The following ZNF367 variants were observed in gnomAD, a reference collection of about 807,000 sequenced individuals.
ZNF367 encodes the protein zinc finger protein 367, also known as C2H2 zinc finger protein ZFF29.
A neutral mutation model predicts 31.8 loss-of-function variants in ZNF367; 11 were observed. The ratio of observed to expected loss-of-function variants is 0.35; its 90% CI spans 0.22 to 0.57. The LOEUF is 0.57. Ranked by LOEUF, ZNF367 falls within the 20% of genes least tolerant of loss-of-function variation. The pLI is 0.85. For missense variants in ZNF367, 353 were observed against 484.1 expected, an observed-to-expected ratio of 0.73 and a Z score of 2.54; for synonymous variants, 199 against 202.4, an observed-to-expected ratio of 0.98 and a Z score of 0.14.
intron 1 of ZNF367, among the ~76,000 whole-genome samples, chr9:96,404,269 G>C (rs531289654): frequency 5.3e-5 from 8 of 151,868 alleles, no homozygotes; most frequent in African/African-American, 1.7e-4. Flanking sequence ...GACCATCCTG[G>C]CTAACACGAT....
At position 96,405,462 on chromosome 9, in the gene ZNF367, AT is replaced by A. The variant is rs977647168; in HGVS notation, c.421-7149del. On this transcript the variant is annotated intron_variant, in intron 1 of 4. Coordinates refer to ENST00000375256, the MANE Select transcript of ZNF367 (RefSeq NM_153695.4). ...AAAATAAGTAGGAAATAGTTTTTTT[AT>A]TAAAAATGTAGAGAAATTGGAACCA... Among the ~76,000 whole-genome samples the A allele has an allele frequency of 1.9e-3, 282 of 152,206 alleles. 1 individual carries two copies. Among genetic ancestry groups the A allele is most frequent in the African/African-American group, 6.4e-3 (264 of 41,558 alleles).
chr9:96,396,449 T>TA (rs1162670797), intron 2 of ZNF367, among the ~76,000 whole-genome samples: 1 of 151,804 alleles, frequency 6.6e-6, no homozygotes, highest in Non-Finnish European at 1.5e-5. Context: ...GGATTTAACT[T>TA]AAAAAAAACC....
intron 4 of ZNF367, among the ~76,000 whole-genome samples, chr9:96,391,681 C>T (rs1329976055): frequency 6.6e-6 from 1 of 152,142 alleles, no homozygotes; most frequent in African/African-American, 2.4e-5. Context: ...TTATACTGGC[C>T]CCCTTGTTGC....
At position 96,388,431 on chromosome 9, in the gene ZNF367, G is replaced by A; in HGVS notation, c.859C>T (p.Pro287Ser). ...TGAACCAGCTTGCCTTTCAAAGTGG[G>A]GGTGCGCTGCTCTCTCATTTCCCAA... ...RYWEMREQRT[P>S]TLKGKLVQKA... is the part of the protein sequence containing the mutation. The change falls in exon 5 of 5, where the codon CCC becomes TCC. Residue 287 changes from proline to serine, a missense_variant. Physicochemically the swap from Pro to Ser is moderately conservative, Grantham distance 74. Around this residue, in one of 5 missense-constraint regions of ZNF367, gnomAD observed 101 missense variants for 140.0 expected, o/e 0.72. Coordinates refer to ENST00000375256, the MANE Select transcript of ZNF367 (RefSeq NM_153695.4). The A allele has an allele frequency of 6.2e-7, 1 of 1,613,928 alleles. No homozygotes were observed. The highest frequency in any genetic ancestry group is 8.5e-7 in the Non-Finnish European group (1 of 1,180,018).
At position 96,417,357 on chromosome 9, in the gene ZNF367, G is replaced by A. The variant is rs1044186086; in HGVS notation, c.420+256C>T. 1.3e-4 allele frequency among the ~76,000 whole-genome samples: 20 copies of A among 151,986 alleles called. No homozygotes were observed. Among genetic ancestry groups the A allele is most frequent in the Non-Finnish European group, 2.2e-4 (15 of 67,992 alleles). ...AGTGGCCGTTGACCCGGCCTCCCCA[G>A]CGACCCCGGGCCGCGCTCCCGCCCA... On this transcript the variant is annotated intron_variant, in intron 1 of 4. Transcript: ENST00000375256. The surrounding 1 kb of genome is among the most constrained non-coding windows in gnomAD (Gnocchi z 5.0).
intron 1 of ZNF367, among the ~76,000 whole-genome samples, chr9:96,403,675 A>G (rs571837056): frequency 3.7e-4 from 56 of 152,332 alleles, no homozygotes; most frequent in Admixed American, 2.4e-3. Context: ...ATATAGACCA[A>G]TGAAATAAAA....
chr9:96,406,228 A>G (rs180744718), intron 1 of ZNF367, among the ~76,000 whole-genome samples: 1 of 152,344 alleles, frequency 6.6e-6, no homozygotes, highest in African/African-American at 2.4e-5. Flanking sequence ...GATCATATAC[A>G]ACTACTTCTA....
At chr9:96,415,359 C>T (rs192335093) in intron 1 of ZNF367, among the ~76,000 whole-genome samples, 5 of 150,358 alleles carry the variant, frequency 3.3e-5, no homozygotes, top group Non-Finnish European at 7.4e-5. Flanking sequence ...GAGCCACCCA[C>T]CCGGTGGATA....
chr9:96,416,085 TTG>T (rs1161028962), intron 1 of ZNF367, among the ~76,000 whole-genome samples: 17 of 138,258 alleles, frequency 1.2e-4, no homozygotes, highest in African/African-American at 1.7e-4. Context: ...TTTTTTTTTG[TTG>T]TTTTTTTTTT....
intron 4 of ZNF367, among the ~76,000 whole-genome samples, chr9:96,391,970 G>A (rs900236988): frequency 6.6e-6 from 1 of 152,102 alleles, no homozygotes; most frequent in Non-Finnish European, 1.5e-5. Context: ...AGTAAAGATG[G>A]GGTTTCACTA....
intron 2 of ZNF367, 22 bp downstream of exon 2, chr9:96,398,142 C>CTA: frequency 1.6e-6 from 1 of 622,818 alleles, no homozygotes; most frequent in Non-Finnish European, 2.6e-6. Flanking sequence ...CTGGCAGTCT[C>CTA]TATAAAATTT....
chr9:96,389,358 T>G (rs1831442653), intron 4 of ZNF367, among the ~76,000 whole-genome samples: 1 of 150,958 alleles, frequency 6.6e-6, no homozygotes, highest in African/African-American at 2.4e-5. Flanking sequence ...CATACAAAAC[T>G]GTCCATACAA....
chr9:96,393,407 G>C (rs547274811), intron 3 of ZNF367, among the ~76,000 whole-genome samples: 107 of 152,148 alleles, frequency 7.0e-4, no homozygotes, highest in Admixed American at 6.9e-3. Context: ...TGTAATTCCA[G>C]CTACTCCAGA....
chr9:96,417,552 G>A lies in ZNF367; in HGVS notation c.420+61C>T. 3.1e-6 allele frequency: 1 copy of A among 322,382 alleles called. No individual in the cohort carries two copies. The allele number at this position is 322,382 out of a possible 1,614,324, so 20.0% of individuals were successfully genotyped here. A position where few individuals can be genotyped will look rare whatever the true frequency, so the allele number is the denominator to read the frequency against. On this transcript the variant is annotated intron_variant, in intron 1 of 4. Transcript: ENST00000375256. The surrounding 1 kb of genome is among the most constrained non-coding windows in gnomAD (Gnocchi z 5.0). ...CGTTTTCAACTCCGCCCCGCCCGCC[G>A]CACCGTTAACGGGCCCCGGCTGCCC...
At chr9:96,392,843 G>T (rs1327597335) in intron 3 of ZNF367, among the ~76,000 whole-genome samples, 1 of 152,180 alleles carries the variant, frequency 6.6e-6, no homozygotes, top group Non-Finnish European at 1.5e-5. Context: ...CCAGCACTTT[G>T]GGAGGCCGAG....
intron 1 of ZNF367, among the ~76,000 whole-genome samples, chr9:96,402,221 A>G (rs1285998405): frequency 3.3e-5 from 5 of 152,080 alleles, no homozygotes; most frequent in Non-Finnish European, 4.4e-5. Flanking sequence ...GCACCACTGC[A>G]CTCCAGCCTG....
chr9:96,396,273 G>A (rs1409050269), intron 2 of ZNF367, among the ~76,000 whole-genome samples: 1 of 151,742 alleles, frequency 6.6e-6, no homozygotes, highest in Non-Finnish European at 1.5e-5. Flanking sequence ...CTACAAACCA[G>A]TTATCCAGGG....
chr9:96,415,781 G>C (rs1831819479), intron 1 of ZNF367, among the ~76,000 whole-genome samples: 1 of 151,964 alleles, frequency 6.6e-6, no homozygotes, highest in Non-Finnish European at 1.5e-5. Flanking sequence ...TTACAGGCGT[G>C]AGCCACCGCA....
At position 96,417,509 on chromosome 9, in the gene ZNF367, G is replaced by A. The variant is rs537834788; in HGVS notation, c.420+104C>T. The stretch of plus-strand genomic sequence containing the variant: ...CATCCTGTCAGCCGCAGCCCCCGCC[G>A]TAGCCGGATCGACCTCGCGTTTTCA... On this transcript the variant is annotated intron_variant, in intron 1 of 4. Coordinates refer to ENST00000375256, the MANE Select transcript of ZNF367 (RefSeq NM_153695.4). This position sits in a 1 kb window ranked among gnomAD's most constrained non-coding sequence, Gnocchi z 5.0. The A allele has an allele frequency of 3.2e-5, 8 of 252,690 alleles. No individual in the cohort carries two copies. Among genetic ancestry groups the A allele is most frequent in the African/African-American group, 1.8e-4 (8 of 43,380 alleles). 15.7% of individuals were successfully genotyped at this position (252,690 alleles called of 1,614,324 possible).
Sources: allele counts gnomAD v4.1 joint callset (sites outside exome capture counted in the v4.1 genomes callset), GRCh38; gene constraint gnomAD v4.1.1; regional missense constraint gnomAD v4.1.1; non-coding constraint Gnocchi (gnomAD v3.1); transcripts MANE v1.5; gene names NCBI Gene and HGNC (gene_info 2026-07-23, HGNC 2026-07-21).